Variants in CLGN observed in about 807,000 individuals in gnomAD.
The protein encoded by CLGN is testis tissue sperm-binding protein Li 79P.
Under a neutral mutation model 79.1 loss-of-function variants are expected in CLGN, and 62 were observed. The observed-to-expected ratio is 0.78, with a 90% CI of 0.64 to 0.97. The LOEUF is 0.97. Ranked by LOEUF, CLGN falls within the 50% of genes least tolerant of loss-of-function variation. The pLI is 0.00. For synonymous variants in CLGN, 225 were observed against 224.7 expected (o/e 1.00, Z -0.01); for missense variants, 647 against 715.5 (o/e 0.90, Z 1.09).
At chr4:140,401,894 A>G in intron 6 of CLGN, 91 bp downstream of exon 6, 1 of 702,278 alleles carries the variant, frequency 1.4e-6, no homozygotes. Context: ...TTTCAATTTC[A>G]GTTGAAGACA....
At position 140,392,648 on chromosome 4, in the gene CLGN, G is replaced by A; in HGVS notation, c.1429C>T (p.Leu477Phe). The change falls in exon 12 of 15, where the codon CTT becomes TTT. Residue 477 changes from leucine to phenylalanine, a missense_variant. Transcript: ENST00000325617. ...GCTATTGGCACTCCTGCTGTCACAA[G>A]ATAAATCAACCAAAGCCATGGGTGC... ...EGHPWLWLIY[L>F]VTAGVPIALI... 6.2e-7 allele frequency: 1 copy of A among 1,611,162 alleles called. No individual in the cohort carries two copies.
chr4:140,410,212 A>G (rs1313013628), intron 3 of CLGN, among the ~76,000 whole-genome samples: 2 of 152,020 alleles, frequency 1.3e-5, no homozygotes, highest in Admixed American at 6.6e-5. Context: ...ACACATAATA[A>G]TCATTTAATA....
At position 140,412,929 on chromosome 4, in the gene CLGN, C is replaced by A; in HGVS notation, c.144+6G>T. On this transcript the variant is annotated splice_donor_region_variant and intron_variant, in intron 2 of 14. Transcript: ENST00000325617. ...TAATTTATAACCCATTTCTCAATAACCATACCTCTGAGGAAAGTTCACTTT... is the reference window on the plus strand; with the variant it reads ...TAATTTATAACCCATTTCTCAATAAACATACCTCTGAGGAAAGTTCACTTT... 1 of 1,612,220 alleles carries A rather than the reference C, an allele frequency of 6.2e-7. No homozygotes were observed. The highest frequency in any genetic ancestry group is 8.5e-7 in the Non-Finnish European group (1 of 1,178,832).
chr4:140,412,855 T>G lies in CLGN; in HGVS notation c.144+80A>C, dbSNP rs149838324. 5 of 1,220,396 alleles carry G rather than the reference T, an allele frequency of 4.1e-6. No homozygotes were observed. The South Asian group carries it at 4.7e-5, about 12-fold the overall frequency. 75.6% of individuals were successfully genotyped at this position (1,220,396 alleles called of 1,614,324 possible). A position where few individuals can be genotyped will look rare whatever the true frequency, so the allele number is the denominator to read the frequency against. The stretch of plus-strand genomic sequence containing the variant: ...GCTCTAAAATGAAGATTATTTGAAC[T>G]GAAATGAATCACCAGAGGTCAATCA... On this transcript the variant is annotated intron_variant, in intron 2 of 14. Coordinates refer to ENST00000325617, the MANE Select transcript of CLGN (RefSeq NM_004362.3).
chr4:140,426,803 G>A (rs958573520), intron 1 of CLGN: 4 of 152,238 alleles, frequency 2.6e-5, no homozygotes, highest in African/African-American at 7.2e-5. Flanking sequence ...AATAAAATCA[G>A]CGAAAGTGTC....
chr4:140,397,299 C>T (rs1418030408), intron 8 of CLGN, among the ~76,000 whole-genome samples: 1 of 152,028 alleles, frequency 6.6e-6, no homozygotes, highest in African/African-American at 2.4e-5. Context: ...AATGGTATCT[C>T]ACTGAACTTT....
intron 1 of CLGN, among the ~76,000 whole-genome samples, chr4:140,425,622 C>CTTTTTTTTTTTTT (rs60198755): frequency 1.0e-5 from 1 of 97,192 alleles, no homozygotes; most frequent in Non-Finnish European, 1.9e-5. Context: ...TTTGTAATTC[C>CTTTTTTTTTTTTT]TTTTTTTTTT....
At chr4:140,410,697 TGAAGAACATAGTATGTA>T (rs1424408774) in intron 2 of CLGN, 71 bp from the exon 3 acceptor site, 8 of 966,546 alleles carry the variant, frequency 8.3e-6, no homozygotes, top group Non-Finnish European at 1.3e-5. Flanking sequence ...ATCTTCCTAG[TGAAGAACATAGTATGTA>T]ATGCACATAC....
At chr4:140,418,527 C>T (rs953946534) in intron 1 of CLGN, among the ~76,000 whole-genome samples, 3 of 146,834 alleles carry the variant, frequency 2.0e-5, no homozygotes, top group Admixed American at 2.0e-4. Flanking sequence ...ACAACCCCAT[C>T]AAAAAGTGGG....
chr4:140,390,737 C>T lies in CLGN; in HGVS notation c.1652-9G>A, dbSNP rs1309149855. ...AGGTTCACTTTCCTCTTCTAGAATA[C>T]AGATTTTGTTAAAAGCAAAGACTCA... On this transcript the variant is annotated splice_polypyrimidine_tract_variant and intron_variant, in intron 13 of 14. Transcript: ENST00000325617. The T allele has an allele frequency of 6.4e-7, 1 of 1,573,198 alleles. No homozygotes were observed. The highest frequency in any genetic ancestry group is 2.3e-5 in the East Asian group (1 of 43,702).
Position 140,398,834 on chromosome 4 carries a change from C to T in CLGN, c.884+17G>A, listed in dbSNP as rs1473304205. The T allele has an allele frequency of 1.2e-6, 2 of 1,609,614 alleles. No individual in the cohort carries two copies. Among genetic ancestry groups the T allele is most frequent in the Admixed American group, 3.4e-5 (2 of 59,684 alleles). On this transcript the variant is annotated intron_variant, in intron 8 of 14. Transcript: ENST00000325617. ...AGTTATGCCAGATAATGCTTTGCTA[C>T]CGAATTATTTGCTTACCAGTCTTCT... is the stretch of plus-strand genomic sequence containing the variant.
intron 1 of CLGN, among the ~76,000 whole-genome samples, chr4:140,422,556 A>AGG (rs1729490904): frequency 6.6e-6 from 1 of 152,138 alleles, no homozygotes; most frequent in Non-Finnish European, 1.5e-5. Flanking sequence ...GTTCATTGTT[A>AGG]GTATACAGAA....
chr4:140,390,919 T>C (rs886995408), intron 13 of CLGN, among the ~76,000 whole-genome samples, 191 bp from the exon 14 acceptor site: 2 of 151,816 alleles, frequency 1.3e-5, no homozygotes, highest in African/African-American at 4.8e-5. Flanking sequence ...AAATGAATCA[T>C]ATTTGAGTTT....
At chr4:140,426,084 A>G in intron 1 of CLGN, among the ~76,000 whole-genome samples, 1 of 152,180 alleles carries the variant, frequency 6.6e-6, no homozygotes, top group East Asian at 1.9e-4. Flanking sequence ...ATCACCTATT[A>G]CTTAAAGTTT....
chr4:140,396,308 G>A, intron 8 of CLGN, 103 bp from the exon 9 acceptor site: 1 of 1,024,236 alleles, frequency 9.8e-7, no homozygotes, highest in Non-Finnish European at 1.5e-6. Flanking sequence ...CCTTTTGTTT[G>A]TGCCTGTTAT....
chr4:140,403,452 A>G (rs1451456566), intron 5 of CLGN, among the ~76,000 whole-genome samples: 2 of 152,212 alleles, frequency 1.3e-5, no homozygotes, highest in African/African-American at 2.4e-5. Context: ...TTTTCCTCAA[A>G]GTCTTATCTT....
At position 140,392,379 on chromosome 4, in the gene CLGN, C is replaced by A; in HGVS notation, c.1492-1G>T. On this transcript the variant is annotated splice_acceptor_variant, in intron 12 of 14. Transcript: ENST00000325617. LOFTEE classifies it high-confidence loss of function. ...TATACTCTGTATCTTTATGTTTTTT[C>A]TGTGGTAGTTAACATAAGTTATTTT... 6.3e-7 allele frequency: 1 copy of A among 1,582,574 alleles called. No homozygotes were observed. Among genetic ancestry groups the A allele is most frequent in the African/African-American group, 1.4e-5 (1 of 72,664 alleles).
intron 1 of CLGN, among the ~76,000 whole-genome samples, chr4:140,416,663 C>G (rs892723722): frequency 3.3e-5 from 5 of 151,470 alleles, no homozygotes; most frequent in Non-Finnish European, 7.4e-5. Flanking sequence ...GAAGTTGAAT[C>G]TCTGAATAGA....
At chr4:140,395,092 G>A (rs1023637469) in intron 10 of CLGN, among the ~76,000 whole-genome samples, 4 of 151,990 alleles carry the variant, frequency 2.6e-5, no homozygotes, top group Non-Finnish European at 5.9e-5. Context: ...CAGGAGAATC[G>A]CCTGAGCCCA....
Sources: allele counts gnomAD v4.1 joint callset (sites outside exome capture counted in the v4.1 genomes callset), GRCh38; gene constraint gnomAD v4.1.1; transcripts MANE v1.5; gene names NCBI Gene and HGNC (gene_info 2026-07-23, HGNC 2026-07-21).